RAD21: variants seen among roughly 807,000 people sequenced by gnomAD.
The protein encoded by RAD21 is RAD21 cohesin complex component, also known as double-strand-break repair protein rad21 homolog.
RAD21 carries 18 observed loss-of-function variants against 71.5 expected under a neutral mutation model. That is an observed-to-expected ratio of 0.25 (90% CI 0.17 to 0.37). RAD21 has a LOEUF of 0.37. RAD21 is among the 10% of genes least tolerant of loss of function. The pLI is 1.00. For synonymous variants in RAD21, 248 were observed against 254.0 expected (o/e 0.98, Z 0.22); for missense variants, 493 against 769.1 (o/e 0.64, Z 4.25).
chr8:116,857,453 G>T lies in RAD21; in HGVS notation c.502C>A (p.Arg168Ser). ...GCACTGCCTTCTCTCATTATCTCAC[G>T]ATCATCCATTCCAAAATCACCTAAA... ...NDFGDFGMDD[R>S]EIMREGSAFE... Residue 168 changes from arginine to serine, a missense_variant, in exon 6 of 14, where the codon CGT (arginine) becomes AGT (serine). By Grantham distance (110) the Arg-to-Ser change is moderately radical (BLOSUM62 -1). Around this residue, in one of 5 missense-constraint regions of RAD21, gnomAD observed 165 missense variants for 229.6 expected, o/e 0.72. Transcript: ENST00000297338. 6.2e-7 allele frequency: 1 copy of T among 1,612,980 alleles called. No homozygotes were observed. Among genetic ancestry groups the T allele is most frequent in the South Asian group, 1.1e-5 (1 of 91,038 alleles).
At position 116,854,569 on chromosome 8, in the gene RAD21, A is replaced by G. The variant is rs558596537; in HGVS notation, c.938-101T>C. The G allele has an allele frequency of 4.5e-5, 39 of 866,722 alleles. No individual in the cohort carries two copies. The African/African-American group carries it at 6.4e-4, about 14-fold the overall frequency. 53.7% of individuals were successfully genotyped at this position (866,722 alleles called of 1,614,324 possible). A position where few individuals can be genotyped will look rare whatever the true frequency, so the allele number is the denominator to read the frequency against. ...ACTATATTCCCCTGCTTTTCTACAC[A>G]CAGACTCTAGCAGAGAAGTTAAACT... is the stretch of plus-strand genomic sequence containing the variant. On this transcript the variant is annotated intron_variant, in intron 8 of 13. Transcript: ENST00000297338.
intron 8 of RAD21, among the ~76,000 whole-genome samples, chr8:116,855,421 T>G (rs1812440454): frequency 6.6e-6 from 1 of 152,200 alleles, no homozygotes; most frequent in South Asian, 2.1e-4. Flanking sequence ...AATTAAATAA[T>G]GTGTCTTGCA....
At chr8:116,863,660 A>G (rs1812633816) in intron 2 of RAD21, among the ~76,000 whole-genome samples, 1 of 152,152 alleles carries the variant, frequency 6.6e-6, no homozygotes, top group African/African-American at 2.4e-5. Context: ...AACACAGTTC[A>G]GCCAATTGAG....
chr8:116,863,688 CAG>C (rs1812635037), intron 2 of RAD21, among the ~76,000 whole-genome samples: 3 of 152,114 alleles, frequency 2.0e-5, no homozygotes, highest in Admixed American at 2.0e-4. Context: ...TGAAGTATGC[CAG>C]AGAGTTTCTG....
At position 116,851,970 on chromosome 8, in the gene RAD21, A is replaced by G; in HGVS notation, c.1448T>C (p.Ile483Thr). 6.2e-7 allele frequency: 1 copy of G among 1,610,228 alleles called. No homozygotes were observed. Among genetic ancestry groups the G allele is most frequent in the Non-Finnish European group, 8.5e-7 (1 of 1,177,166 alleles). ...PQGVKRKAGQ[I>T]DPEPVMPPQQ... ...TACAGGCATCACAGGCTCTGGGTCAATTTGTCCAGCTTTTCGCTTAACTCC... is the reference window on the plus strand; with the variant it reads ...TACAGGCATCACAGGCTCTGGGTCAGTTTGTCCAGCTTTTCGCTTAACTCC... Residue 483 changes from isoleucine to threonine, a missense_variant, in exon 11 of 14, where the codon ATT becomes ACT. Ile to Thr is a moderately conservative substitution (Grantham distance 89). Coordinates refer to ENST00000297338, the MANE Select transcript of RAD21 (RefSeq NM_006265.3).
Position 116,874,752 on chromosome 8 carries a change from T to C in RAD21, c.-174A>G, listed in dbSNP as rs112072631. 1 of 455,760 alleles carries C rather than the reference T, an allele frequency of 2.2e-6. No homozygotes were observed. Among genetic ancestry groups the C allele is most frequent in the Admixed American group, 2.4e-5 (1 of 42,450 alleles). The allele number at this position is 455,760 out of a possible 1,614,324, so 28.2% of individuals were successfully genotyped here. On this transcript the variant is annotated 5_prime_UTR_variant, in exon 1 of 14. Transcript: ENST00000297338. Reference sequence around the variant, plus strand: ...CCGCCGCCACAGCCGGCGCCTCCTTTCCGATTCACTCAAACAAACAAGATG... The same window carrying C: ...CCGCCGCCACAGCCGGCGCCTCCTTCCCGATTCACTCAAACAAACAAGATG...
intron 12 of RAD21, among the ~76,000 whole-genome samples, chr8:116,850,096 A>T (rs1563687673): frequency 6.6e-6 from 1 of 152,206 alleles, no homozygotes; most frequent in Non-Finnish European, 1.5e-5. Flanking sequence ...AAAGAAATTG[A>T]TTCCTAAAAC....
chr8:116,856,437 G>T, intron 7 of RAD21, 149 bp from the exon 8 acceptor site: 1 of 1,290,420 alleles, frequency 7.7e-7, no homozygotes, highest in Non-Finnish European at 1.0e-6. Context: ...TAATGGGAAA[G>T]CCCCGCCAGA....
At position 116,850,763 on chromosome 8, in the gene RAD21, T is replaced by G. The variant is rs1265166432; in HGVS notation, c.1475A>C (p.Gln492Pro). ...TGGTATTTCCATCTGCTCTACCTGC[T>G]GAGGCTTAAAGCAATACAAATAAGA... ...QIDPEPVMPP[Q>P]QVEQMEIPPV... Residue 492 changes from glutamine (Q) to proline (P), a missense_variant, in exon 12 of 14, where the codon CAG becomes CCG. Gln to Pro is a moderately conservative substitution (Grantham distance 76). Transcript: ENST00000297338. The G allele has an allele frequency of 6.3e-7, 1 of 1,590,352 alleles. No individual in the cohort carries two copies. Among genetic ancestry groups the G allele is most frequent in the South Asian group, 1.1e-5 (1 of 90,516 alleles).
At chr8:116,870,751 T>C (rs147363336) in intron 1 of RAD21, among the ~76,000 whole-genome samples, 89 of 152,368 alleles carry the variant, frequency 5.8e-4, no homozygotes, top group African/African-American at 1.9e-3. Context: ...ATTAAGCTTC[T>C]AGAATACTAT....
chr8:116,847,429 G>T lies in RAD21; in HGVS notation c.*71C>A. The T allele has an allele frequency of 6.9e-6, 9 of 1,303,642 alleles. No homozygotes were observed. The highest frequency in any genetic ancestry group is 9.4e-6 in the Non-Finnish European group (9 of 953,974). The allele number at this position is 1,303,642 out of a possible 1,614,324, so 80.8% of individuals were successfully genotyped here. A position where few individuals can be genotyped will look rare whatever the true frequency, so the allele number is the denominator to read the frequency against. ...AATCTAAGTTTTCTCAAAGGGTTCTGTGTCCCCTACACATGGGGGCAATTT... is the reference window on the plus strand; with the variant it reads ...AATCTAAGTTTTCTCAAAGGGTTCTTTGTCCCCTACACATGGGGGCAATTT... On this transcript the variant is annotated 3_prime_UTR_variant, in exon 14 of 14. Coordinates refer to ENST00000297338, the MANE Select transcript of RAD21 (RefSeq NM_006265.3).
intron 4 of RAD21, among the ~76,000 whole-genome samples, chr8:116,860,170 T>G (rs189088735): frequency 6.6e-6 from 1 of 152,226 alleles, no homozygotes; most frequent in East Asian, 1.9e-4. Context: ...GAATAAAACT[T>G]TAACAAATGA....
intron 12 of RAD21, 86 bp from the exon 13 acceptor site, chr8:116,849,115 T>G: frequency 1.1e-6 from 1 of 877,792 alleles, no homozygotes; most frequent in Non-Finnish European, 1.6e-6. Flanking sequence ...GCTCCTAAAT[T>G]ACCTTGAGAT....
intron 6 of RAD21, among the ~76,000 whole-genome samples, chr8:116,857,026 CACAA>C (rs1812485156): frequency 6.6e-6 from 1 of 151,990 alleles, no homozygotes; most frequent in South Asian, 2.1e-4. Flanking sequence ...AGCTATCAAA[CACAA>C]ACAGAACAGT....
chr8:116,874,564 G>T (rs994516681), intron 1 of RAD21, 47 bp downstream of exon 1: 4 of 311,566 alleles, frequency 1.3e-5, no homozygotes, highest in Admixed American at 9.4e-5. Context: ...GGGAAAGGGT[G>T]GGGGGAGGGA....
intron 1 of RAD21, among the ~76,000 whole-genome samples, chr8:116,871,405 G>A (rs1383197789): frequency 6.6e-6 from 1 of 152,104 alleles, no homozygotes; most frequent in Non-Finnish European, 1.5e-5. Flanking sequence ...TGAAACAGCA[G>A]AAAGATTGCT....
Position 116,864,175 on chromosome 8 carries a change from A to C in RAD21, c.145-916T>G, listed in dbSNP as rs942622608. ...AAACAATGAGATAAGACTCCATCTA[A>C]ACACAAGTATTCAAAATTCCTCTAG... On this transcript the variant is annotated intron_variant, in intron 2 of 13. Coordinates refer to ENST00000297338, the MANE Select transcript of RAD21 (RefSeq NM_006265.3). Among the ~76,000 whole-genome samples the C allele has an allele frequency of 5.3e-5, 8 of 152,218 alleles. No individual in the cohort carries two copies. In the South Asian group the frequency reaches 1.2e-3, roughly 24 times the overall value.
Position 116,866,595 on chromosome 8 carries a change from G to A in RAD21, c.135C>T (p.Ile45=), listed in dbSNP as rs574969951. The change falls in exon 2 of 14, where the codon ATC becomes ATT. Residue 45 remains isoleucine, a synonymous_variant. Transcript: ENST00000297338. ...TCAACATCAAACATACCTTTGGTGA[G>A]ATGATACTCTCCACGCTGCTCTCTA... ...CNLESSVESI[I]SPKVKMALRT... is the part of the protein sequence containing the mutation. The A allele has an allele frequency of 1.2e-6, 2 of 1,608,382 alleles. No individual in the cohort carries two copies. The highest frequency in any genetic ancestry group is 1.7e-6 in the Non-Finnish European group (2 of 1,177,262).
At chr8:116,866,965 C>T in intron 1 of RAD21, 1 of 346,718 alleles carries the variant, frequency 2.9e-6, no homozygotes, top group East Asian at 4.5e-5. Context: ...AAATAGACCC[C>T]AAAATACTAA....
Sources: allele counts gnomAD v4.1 joint callset (sites outside exome capture counted in the v4.1 genomes callset), GRCh38; gene constraint gnomAD v4.1.1; regional missense constraint gnomAD v4.1.1; transcripts MANE v1.5; gene names NCBI Gene and HGNC (gene_info 2026-07-23, HGNC 2026-07-21).